Variants in EPB41L2 observed in about 807,000 individuals in gnomAD.
EPB41L2 encodes the protein erythrocyte membrane protein band 4.1 like 2.
In EPB41L2, 43 loss-of-function variants were observed where a neutral mutation model predicts 113.0. The observed-to-expected ratio is 0.38, with a 90% CI of 0.30 to 0.49. The LOEUF (loss-of-function observed/expected upper bound fraction) is 0.49, where lower values mean the gene tolerates loss of function less well. Among genes scored for constraint, EPB41L2 ranks in the 20% least tolerant of loss-of-function variants. The probability of loss-of-function intolerance (pLI) is 0.95; values close to 1 mark genes in which losing one functional copy is unlikely to be tolerated. For missense variants in EPB41L2, 1,147 were observed against 1,223.4 expected (o/e 0.94, Z 0.93); for synonymous variants, 442 against 436.7 (o/e 1.01, Z -0.15).
chr6:130,921,738 C>T (rs1181156520), intron 4 of EPB41L2, among the ~76,000 whole-genome samples: 2 of 152,106 alleles, frequency 1.3e-5, no homozygotes, highest in Admixed American at 6.5e-5. Flanking sequence ...TACCACAGGC[C>T]CTTGTCAGGT....
Position 130,957,521 on chromosome 6 carries a change from G to A in EPB41L2, c.-14-1022C>T, listed in dbSNP as rs79151709. Among the ~76,000 whole-genome samples, 9 of 152,016 alleles carry A rather than the reference G, an allele frequency of 5.9e-5. No homozygotes were observed. The East Asian group carries it at 7.7e-4, about 13-fold the overall frequency. On this transcript the variant is annotated intron_variant, in intron 1 of 19. Transcript: ENST00000337057. ...CAAAGGTGGTAAAAACTTAAGAGAC[G>A]GACATGGTTATTCCTGTAGTCACAG...
At chr6:130,886,977 T>C (rs752908150) in intron 11 of EPB41L2, among the ~76,000 whole-genome samples, 1 of 152,114 alleles carries the variant, frequency 6.6e-6, no homozygotes, top group Non-Finnish European at 1.5e-5. Context: ...AAGATCTAAA[T>C]AAGTTTCCCT....
chr6:130,869,997 T>C lies in EPB41L2; in HGVS notation c.2173A>G (p.Lys725Glu), dbSNP rs534395222. Residue 725 changes from lysine to glutamate, a missense_variant, in exon 15 of 20, where the codon AAG becomes GAG. Transcript: ENST00000337057. ...SPGSGPGEIR[K>E]VEPVTQKDST... ...TCTTTTTGTGTCACAGGCTCCACCT[T>C]ACGAATCTCCCCAGGACCACTCCCA... 1.9e-5 allele frequency: 30 copies of C among 1,613,918 alleles called. No individual in the cohort carries two copies. In the South Asian group the frequency reaches 3.2e-4, roughly 17 times the overall value.
At chr6:130,917,497 AC>A (rs1409286828) in intron 4 of EPB41L2, among the ~76,000 whole-genome samples, 1 of 152,116 alleles carries the variant, frequency 6.6e-6, no homozygotes, top group Non-Finnish European at 1.5e-5. Flanking sequence ...CCTGCCTTCA[AC>A]AAGAATCCTG....
At chr6:130,953,748 C>G (rs12197829) in intron 3 of EPB41L2, among the ~76,000 whole-genome samples, 22,777 of 151,754 alleles carry the variant, frequency 0.15, 2,311 homozygotes, top group East Asian at 0.45. Flanking sequence ...GCCCCTGTAA[C>G]TGAGGTTGAA....
In EPB41L2 at chr6:130,890,477, A is replaced by AAG. The variant is rs552073214; in HGVS notation, c.1488-12_1488-11insCT. 7.1e-3 allele frequency: 709 copies of AAG among 99,244 alleles called. 5 individuals are homozygous for AAG. The South Asian group carries it at 0.15, about 22-fold the overall frequency. 6.1% of individuals were successfully genotyped at this position (99,244 alleles called of 1,614,324 possible). On this transcript the variant is annotated splice_polypyrimidine_tract_variant and intron_variant, in intron 10 of 19. Coordinates refer to ENST00000337057, the MANE Select transcript of EPB41L2 (RefSeq NM_001431.4). ...TCTGGAGAAACAAGCCTATGGGAGG[A>AAG]AAAAAAAAAAAAAAGAGAGAGAGAA...
intron 3 of EPB41L2, among the ~76,000 whole-genome samples, chr6:130,953,144 C>A (rs1379556851): frequency 6.6e-6 from 1 of 151,432 alleles, no homozygotes; most frequent in Non-Finnish European, 1.5e-5. Flanking sequence ...AAATCTACAT[C>A]CCCTAATTTC....
chr6:130,952,483 G>T (rs1815526004), intron 3 of EPB41L2, among the ~76,000 whole-genome samples: 1 of 151,808 alleles, frequency 6.6e-6, no homozygotes, highest in Non-Finnish European at 1.5e-5. Context: ...ATACATGCAG[G>T]ACAAGAAGGA....
chr6:131,021,783 T>G (rs1789562037), intron 1 of EPB41L2, among the ~76,000 whole-genome samples: 1 of 152,196 alleles, frequency 6.6e-6, no homozygotes, highest in Admixed American at 6.5e-5. Context: ...AAAACTATTC[T>G]TACTCCCATT....
chr6:130,862,777 C>T (rs920179585), intron 18 of EPB41L2, among the ~76,000 whole-genome samples: 5 of 152,170 alleles, frequency 3.3e-5, no homozygotes, highest in Admixed American at 2.6e-4. Flanking sequence ...ATATAGGCTG[C>T]CTTTCTCAAA....
chr6:130,944,491 A>T (rs1460376016), intron 3 of EPB41L2, among the ~76,000 whole-genome samples: 2 of 152,190 alleles, frequency 1.3e-5, no homozygotes, highest in Non-Finnish European at 2.9e-5. Flanking sequence ...ACAATACAAG[A>T]GTTTAGCAGT....
intron 1 of EPB41L2, among the ~76,000 whole-genome samples, chr6:131,038,494 T>C (rs1793795927): frequency 2.0e-5 from 3 of 152,244 alleles, no homozygotes; most frequent in African/African-American, 7.2e-5. Flanking sequence ...ATTTTTTAAA[T>C]GCTGGTTCTT....
intron 1 of EPB41L2, among the ~76,000 whole-genome samples, chr6:131,025,089 A>G (rs764094476): frequency 1.6e-4 from 24 of 151,776 alleles, no homozygotes; most frequent in Non-Finnish European, 2.5e-4. Flanking sequence ...TTGCTTTTAT[A>G]TAAATTATCT....
At chr6:131,061,796 T>C (rs1439058211) in intron 1 of EPB41L2, among the ~76,000 whole-genome samples, 1 of 151,980 alleles carries the variant, frequency 6.6e-6, no homozygotes, top group Non-Finnish European at 1.5e-5. Flanking sequence ...AAATAATGTA[T>C]TCCGTTGAAA....
At chr6:130,869,285 A>C (rs1784876811) in intron 15 of EPB41L2, among the ~76,000 whole-genome samples, 1 of 152,242 alleles carries the variant, frequency 6.6e-6, no homozygotes, top group Non-Finnish European at 1.5e-5. Context: ...AAACATGCAA[A>C]GAAAAATTTA....
rs927399793 is a variant in EPB41L2 at position 130,911,133 on chromosome 6, T to C, written c.811-2270A>G. Reference sequence around the variant, plus strand: ...ATGACTTGGAACCAACTCAAATGCCTATCAATGATAGACTGGATAAAGAAA... The same window carrying C: ...ATGACTTGGAACCAACTCAAATGCCCATCAATGATAGACTGGATAAAGAAA... On this transcript the variant is annotated intron_variant, in intron 4 of 19. Coordinates refer to ENST00000337057, the MANE Select transcript of EPB41L2 (RefSeq NM_001431.4). 5.3e-5 allele frequency among the ~76,000 whole-genome samples: 8 copies of C among 152,282 alleles called. No individual in the cohort carries two copies. The East Asian group carries it at 1.3e-3, about 26-fold the overall frequency.
intron 3 of EPB41L2, among the ~76,000 whole-genome samples, chr6:130,950,203 A>G (rs1814400374): frequency 6.6e-6 from 1 of 152,214 alleles, no homozygotes; most frequent in Non-Finnish European, 1.5e-5. Flanking sequence ...GAAATTAGAA[A>G]AAGCACAGTT....
chr6:130,872,143 T>TG (rs1299933340), intron 14 of EPB41L2, among the ~76,000 whole-genome samples: 15 of 152,190 alleles, frequency 9.9e-5, no homozygotes, highest in African/African-American at 3.1e-4. Context: ...AATTATTCTC[T>TG]GAATTTAGGC....
chr6:131,029,468 T>G (rs1791607556), intron 1 of EPB41L2, among the ~76,000 whole-genome samples: 1 of 150,898 alleles, frequency 6.6e-6, no homozygotes, highest in Non-Finnish European at 1.5e-5. Flanking sequence ...AAATAGCACA[T>G]TAATAACTGT....
Sources: allele counts gnomAD v4.1 joint callset (sites outside exome capture counted in the v4.1 genomes callset), GRCh38; gene constraint gnomAD v4.1.1; transcripts MANE v1.5; gene names NCBI Gene and HGNC (gene_info 2026-07-23, HGNC 2026-07-21).